Variants in GRM5 observed in about 807,000 individuals in gnomAD.
GRM5 encodes the protein metabotropic glutamate receptor 5.
Under a neutral mutation model 83.1 loss-of-function variants are expected in GRM5, and 19 were observed. The ratio of observed to expected loss-of-function variants is 0.23; its 90% CI spans 0.16 to 0.34. The LOEUF (loss-of-function observed/expected upper bound fraction) is 0.34, where lower values mean the gene tolerates loss of function less well. Among genes scored for constraint, GRM5 ranks in the 10% least tolerant of loss-of-function variants. The pLI is 1.00. For missense variants in GRM5, 1,160 were observed against 1,588.3 expected (o/e 0.73, Z 4.58); for synonymous variants, 675 against 633.6 (o/e 1.07, Z -0.98).
At chr11:88,514,652 CT>C (rs769332163) in intron 9 of GRM5, among the ~76,000 whole-genome samples, 2 of 151,980 alleles carry the variant, frequency 1.3e-5, no homozygotes, top group African/African-American at 4.8e-5. Flanking sequence ...AAGGAATGTA[CT>C]GACATGAAAA....
chr11:88,846,808 AG>A (rs1944310175), intron 3 of GRM5, among the ~76,000 whole-genome samples: 1 of 152,232 alleles, frequency 6.6e-6, no homozygotes, highest in South Asian at 2.1e-4. Context: ...GAATACTGAA[AG>A]AAGTTATAGC....
At chr11:88,882,322 C>T (rs376764451) in intron 2 of GRM5, among the ~76,000 whole-genome samples, 68 of 150,262 alleles carry the variant, frequency 4.5e-4, no homozygotes, top group Admixed American at 1.3e-3. Context: ...GAGGCCAAGG[C>T]GGGTAGATCA....
chr11:88,632,170 C>T (rs144548641), intron 4 of GRM5, among the ~76,000 whole-genome samples: 1 of 151,914 alleles, frequency 6.6e-6, no homozygotes, highest in Non-Finnish European at 1.5e-5. Context: ...CCCAGGCAAC[C>T]ACTGATTTGC....
chr11:89,028,097 C>T (rs1795438905), intron 2 of GRM5, among the ~76,000 whole-genome samples: 1 of 152,156 alleles, frequency 6.6e-6, no homozygotes, highest in African/African-American at 2.4e-5. Context: ...TGATACTGGA[C>T]CTTCCAGCCA....
intron 2 of GRM5, among the ~76,000 whole-genome samples, chr11:88,900,817 G>A (rs582994): frequency 0.62 from 94,744 of 152,036 alleles, 29,774 homozygotes; most frequent in South Asian, 0.74. Flanking sequence ...CATCTGTCCC[G>A]CAGTACAGAG....
At chr11:88,825,827 TAACAC>T (rs940514684) in intron 3 of GRM5, among the ~76,000 whole-genome samples, 3 of 152,172 alleles carry the variant, frequency 2.0e-5, no homozygotes, top group African/African-American at 7.2e-5. Context: ...TTAGTGCAAA[TAACAC>T]TACATGTTTT....
chr11:88,600,793 T>C (rs1200814584), intron 5 of GRM5, among the ~76,000 whole-genome samples: 1 of 152,224 alleles, frequency 6.6e-6, no homozygotes, highest in Non-Finnish European at 1.5e-5. Context: ...TGAAGAGTAT[T>C]ACTTTTATGT....
intron 8 of GRM5, among the ~76,000 whole-genome samples, chr11:88,552,517 C>A (rs962672514): frequency 6.6e-6 from 1 of 152,164 alleles, no homozygotes; most frequent in Non-Finnish European, 1.5e-5. Context: ...TGCAAACCCA[C>A]AGTGGTAGTC....
At chr11:89,045,444 T>C (rs1422359423) in intron 2 of GRM5, among the ~76,000 whole-genome samples, 2 of 152,200 alleles carry the variant, frequency 1.3e-5, no homozygotes, top group Non-Finnish European at 2.9e-5. Context: ...TTAGAAAAAA[T>C]AAAATGTTAT....
At chr11:88,609,963 A>C (rs990196163) in intron 4 of GRM5, among the ~76,000 whole-genome samples, 2 of 152,142 alleles carry the variant, frequency 1.3e-5, no homozygotes, top group Non-Finnish European at 2.9e-5. Flanking sequence ...CTAGCCAGTG[A>C]TCCCAGCACC....
intron 3 of GRM5, among the ~76,000 whole-genome samples, chr11:88,846,120 A>G (rs931742930): frequency 3.9e-5 from 6 of 152,246 alleles, no homozygotes; most frequent in African/African-American, 1.2e-4. Context: ...TCATCGTAGT[A>G]AAGAATATTC....
At chr11:88,698,123 G>A (rs1940943887) in intron 3 of GRM5, among the ~76,000 whole-genome samples, 1 of 152,108 alleles carries the variant, frequency 6.6e-6, no homozygotes, top group Admixed American at 6.6e-5. Context: ...GGTAGCTAGG[G>A]AAACTTTTAA....
intron 4 of GRM5, among the ~76,000 whole-genome samples, chr11:88,611,528 G>A (rs1938316519): frequency 6.6e-6 from 1 of 152,122 alleles, no homozygotes; most frequent in Admixed American, 6.6e-5. Flanking sequence ...AGTCTCTGAG[G>A]ATATTTTGTA....
At chr11:88,630,157 C>A (rs1364539156) in intron 4 of GRM5, among the ~76,000 whole-genome samples, 1 of 152,170 alleles carries the variant, frequency 6.6e-6, no homozygotes, top group Non-Finnish European at 1.5e-5. Context: ...CCCTCCCCAA[C>A]ATTCTAAATC....
intron 2 of GRM5, among the ~76,000 whole-genome samples, chr11:88,896,459 C>T (rs1345486021): frequency 6.6e-6 from 1 of 151,406 alleles, no homozygotes; most frequent in African/African-American, 2.4e-5. Context: ...TTTTAGGGTT[C>T]AACAGAGAAT....
intron 2 of GRM5, among the ~76,000 whole-genome samples, chr11:88,909,900 A>G (rs1379333362): frequency 2.0e-5 from 3 of 152,130 alleles, no homozygotes; most frequent in Admixed American, 6.6e-5. Context: ...TTATGAGTAT[A>G]TACTTTTTTA....
intron 2 of GRM5, among the ~76,000 whole-genome samples, chr11:88,983,406 C>G (rs1027092182): frequency 1.3e-5 from 2 of 152,146 alleles, no homozygotes; most frequent in African/African-American, 2.4e-5. Flanking sequence ...AACAAGAAAT[C>G]ATATATGCAA....
At chr11:88,580,222 A>G (rs941993155) in intron 7 of GRM5, among the ~76,000 whole-genome samples, 1 of 152,246 alleles carries the variant, frequency 6.6e-6, no homozygotes, top group African/African-American at 2.4e-5. Context: ...TCAAATAAAT[A>G]TGTCAAGTAG....
chr11:88,872,916 G>C (rs1255012686), intron 2 of GRM5, among the ~76,000 whole-genome samples: 1 of 142,472 alleles, frequency 7.0e-6, no homozygotes, highest in Non-Finnish European at 1.5e-5. Context: ...AAAACAGAAA[G>C]GCTGAATGAA....
Sources: gnomAD v4.1 joint callset for allele counts (sites outside exome capture counted in the v4.1 genomes callset) on GRCh38, gnomAD v4.1.1 for gene constraint, MANE v1.5 for transcripts, NCBI Gene and HGNC (gene_info 2026-07-23, HGNC 2026-07-21) for gene names.